The following IGF2 variants were observed in gnomAD, a reference collection of about 807,000 sequenced individuals.
IGF2 encodes the protein insulin like growth factor 2, also known as insulin-like growth factor 2.
A neutral mutation model predicts 12.0 loss-of-function variants in IGF2; 2 were observed. That is an observed-to-expected ratio of 0.17 (90% CI 0.07 to 0.52). The LOEUF is 0.52. Ranked by LOEUF, IGF2 falls within the 20% of genes least tolerant of loss-of-function variation. The pLI, the probability that IGF2 is intolerant of heterozygous loss-of-function variation, is 0.95. For synonymous variants in IGF2, 105 were observed against 110.1 expected (o/e 0.95, Z 0.29); for missense variants, 211 against 268.0 (o/e 0.79, Z 1.48).
the IGF2 span, chr11:2,146,416 G>A: frequency 9.7e-5 from 52 of 533,812 alleles, no homozygotes; most frequent in African/African-American, 3.3e-4. Context: ...GGACACACTC[G>A]CTGGCGTCAG....
chr11:2,140,375 CG>C, upstream of IGF2: 1 of 1,358,852 alleles, frequency 7.4e-7, no homozygotes. Flanking sequence ...TCCCGCACCC[CG>C]CCAGCCCCCC....
chr11:2,144,211 T>C (rs1039217611), upstream of IGF2, among the ~76,000 whole-genome samples: 13 of 152,120 alleles, frequency 8.5e-5, no homozygotes, highest in Non-Finnish European at 1.5e-5. Context: ...GGACGCTGCT[T>C]CCCGGGCGCT....
In IGF2 at chr11:2,138,240, C is replaced by G. The variant is rs1859237857; in HGVS notation, c.-18G>C. 2.0e-6 allele frequency: 2 copies of G among 985,154 alleles called. No individual in the cohort carries two copies. Among genetic ancestry groups the G allele is most frequent in the Non-Finnish European group, 2.4e-6 (2 of 829,770 alleles). The allele number at this position is 985,154 out of a possible 1,614,324, so 61.0% of individuals were successfully genotyped here. A position where few individuals can be genotyped will look rare whatever the true frequency, so the allele number is the denominator to read the frequency against. On this transcript the variant is annotated 5_prime_UTR_variant, in exon 1 of 4. Coordinates refer to ENST00000416167, the MANE Select transcript of IGF2 (RefSeq NM_000612.6). The stretch of plus-strand genomic sequence containing the variant: ...CACACGCCGCTTACCTGGAAGCCGG[C>G]GACGCTGCCGCCCACCTCCCTGCTG...
At chr11:2,135,924 G>T (rs1399070410) in intron 1 of IGF2, among the ~76,000 whole-genome samples, 2 of 152,124 alleles carry the variant, frequency 1.3e-5, no homozygotes, top group Non-Finnish European at 2.9e-5. Flanking sequence ...CCAGCCCAGC[G>T]TCACATCGCC....
Position 2,133,722 on chromosome 11 carries a change from C to G in IGF2, c.158-57G>C. On this transcript the variant is annotated intron_variant, in intron 2 of 3. Coordinates refer to ENST00000416167, the MANE Select transcript of IGF2 (RefSeq NM_000612.6). This position sits in a 1 kb window ranked among gnomAD's most constrained non-coding sequence, Gnocchi z 8.9. ...TTAGCACCGCACTGACCCCAGCCCC[C>G]GGAGGCTGAAGGGGGAGCAAACCAC... The G allele has an allele frequency of 6.3e-7, 1 of 1,595,388 alleles. No individual in the cohort carries two copies. Among genetic ancestry groups the G allele is most frequent in the African/African-American group, 1.3e-5 (1 of 74,336 alleles).
chr11:2,146,088 G>A (rs1028448550), upstream of IGF2, among the ~76,000 whole-genome samples: 6 of 152,106 alleles, frequency 3.9e-5, no homozygotes, highest in African/African-American at 1.4e-4. Flanking sequence ...CCTCTCCACT[G>A]GCAAACCCAC....
At chr11:2,139,743 G>T (rs1437916903), upstream of IGF2, among the ~76,000 whole-genome samples, 1 of 151,856 alleles carries the variant, frequency 6.6e-6, no homozygotes, top group African/African-American at 2.4e-5. Context: ...TCGTGAGCTG[G>T]GGTCTCCGGG....
chr11:2,139,053 AGGGGGAGCGCGGGG>A lies in IGF2; in HGVS notation c.-845_-832del. The A allele has an allele frequency of 3.7e-5, 2 of 53,918 alleles. No homozygotes were observed. The highest frequency in any genetic ancestry group is 4.3e-5 in the Non-Finnish European group (2 of 46,440). The allele number at this position is 53,918 out of a possible 1,614,324, so 3.3% of individuals were successfully genotyped here. A position where few individuals can be genotyped will look rare whatever the true frequency, so the allele number is the denominator to read the frequency against. ...GGCTGCGCGCCGGGGGGAGGGCTGGAGGGGGAGCGCGGGGGGGGGTGACAACGCCGGCGGCCTGC... is the reference window on the plus strand; with the variant it reads ...GGCTGCGCGCCGGGGGGAGGGCTGGAGGGGGTGACAACGCCGGCGGCCTGC... On this transcript the variant is annotated 5_prime_UTR_variant, in exon 1 of 4. Coordinates refer to ENST00000416167, the MANE Select transcript of IGF2 (RefSeq NM_000612.6).
upstream of IGF2, among the ~76,000 whole-genome samples, chr11:2,146,066 C>T (rs994284349): frequency 2.6e-5 from 4 of 152,136 alleles, no homozygotes; most frequent in Admixed American, 2.0e-4. Flanking sequence ...CTCACCAGGG[C>T]AACGCTGGTC....
At position 2,132,735 on chromosome 11, in the gene IGF2, G is replaced by C. The variant is rs1858697230; in HGVS notation, c.*252C>G. 1.5e-5 allele frequency: 6 copies of C among 411,300 alleles called. No individual in the cohort carries two copies. The East Asian group carries it at 2.1e-4, about 15-fold the overall frequency. 25.5% of individuals were successfully genotyped at this position (411,300 alleles called of 1,614,324 possible). On this transcript the variant is annotated 3_prime_UTR_variant, in exon 4 of 4. Transcript: ENST00000416167. ...TAATTGGGGATAATTTGGGGGGAGG[G>C]TATGTGAAGGGTGTTTAAAGCCAAT... is the stretch of plus-strand genomic sequence containing the variant.
chr11:2,138,855 G>T lies in IGF2; in HGVS notation c.-633C>A. On this transcript the variant is annotated 5_prime_UTR_variant, in exon 1 of 4. Coordinates refer to ENST00000416167, the MANE Select transcript of IGF2 (RefSeq NM_000612.6). ...GGAAGGGCGCCACGTCGAGGGGCCGGGGGAGGCGGTGACTGGGGGGCGGAG... is the reference window on the plus strand; with the variant it reads ...GGAAGGGCGCCACGTCGAGGGGCCGTGGGAGGCGGTGACTGGGGGGCGGAG... The T allele has an allele frequency of 2.1e-6, 2 of 971,934 alleles. No individual in the cohort carries two copies. The highest frequency in any genetic ancestry group is 1.2e-6 in the Non-Finnish European group (1 of 818,106). 60.2% of individuals were successfully genotyped at this position (971,934 alleles called of 1,614,324 possible). A position where few individuals can be genotyped will look rare whatever the true frequency, so the allele number is the denominator to read the frequency against.
At position 2,138,941 on chromosome 11, in the gene IGF2, G is replaced by T; in HGVS notation, c.-719C>A. Reference sequence around the variant, plus strand: ...GTTTGGGCCGACGGAGCCCTCTGCCGTCGCGAGCCCGGGCCTCGGGAGGGG... The same window carrying T: ...GTTTGGGCCGACGGAGCCCTCTGCCTTCGCGAGCCCGGGCCTCGGGAGGGG... On this transcript the variant is annotated 5_prime_UTR_variant, in exon 1 of 4. Coordinates refer to ENST00000416167, the MANE Select transcript of IGF2 (RefSeq NM_000612.6). 2 of 983,926 alleles carry T rather than the reference G, an allele frequency of 2.0e-6. No individual in the cohort carries two copies. Among genetic ancestry groups the T allele is most frequent in the Non-Finnish European group, 2.4e-6 (2 of 828,856 alleles). The allele number at this position is 983,926 out of a possible 1,614,324, so 60.9% of individuals were successfully genotyped here.
chr11:2,144,214 C>T (rs1460432838), upstream of IGF2, among the ~76,000 whole-genome samples: 4 of 152,204 alleles, frequency 2.6e-5, no homozygotes, highest in African/African-American at 4.8e-5. Context: ...CGCTGCTTCC[C>T]GGGCGCTCCC....
upstream of IGF2, chr11:2,146,229 C>T (rs745306614): frequency 1.9e-6 from 1 of 529,596 alleles, no homozygotes; most frequent in Non-Finnish European, 3.8e-6. Flanking sequence ...CTTTCTCATT[C>T]CCATTTCCTC....
At position 2,138,789 on chromosome 11, in the gene IGF2, C is replaced by T. The variant is rs1859303848; in HGVS notation, c.-567G>A. On this transcript the variant is annotated 5_prime_UTR_variant, in exon 1 of 4. Coordinates refer to ENST00000416167, the MANE Select transcript of IGF2 (RefSeq NM_000612.6). ...GCGGGAGAAAGAGCGGGGGCCGGGG[C>T]CAGACGCCAAGAGGGGCGCGGGGAG... 1.1e-6 allele frequency: 1 copy of T among 950,872 alleles called. No individual in the cohort carries two copies. The highest frequency in any genetic ancestry group is 1.8e-5 in the African/African-American group (1 of 55,172). The allele number at this position is 950,872 out of a possible 1,614,324, so 58.9% of individuals were successfully genotyped here. A position where few individuals can be genotyped will look rare whatever the true frequency, so the allele number is the denominator to read the frequency against.
At chr11:2,140,677 G>T (rs754960065), upstream of IGF2, 1 of 473,626 alleles carries the variant, frequency 2.1e-6, no homozygotes. Flanking sequence ...ATTTCGGGGC[G>T]CCCAGCAGGA....
rs1435073598 is a variant in IGF2, at chr11:2,135,368, G to A, written c.156C>T (p.Phe52=). 2 of 1,609,760 alleles carry A rather than the reference G, an allele frequency of 1.2e-6. No individual in the cohort carries two copies. Among genetic ancestry groups the A allele is most frequent in the East Asian group, 2.2e-5 (1 of 44,744 alleles). Residue 52 remains phenylalanine, a splice_region_variant and synonymous_variant, in exon 2 of 4, where the codon TTC becomes TTT. Transcript: ENST00000416167. Reference sequence around the variant, plus strand: ...AGGAAGCCCCTCCCAGCTACTTACTGAAGTAGAAGCCGCGGTCCCCACAGA... The same window carrying A: ...AGGAAGCCCCTCCCAGCTACTTACTAAAGTAGAAGCCGCGGTCCCCACAGA... ...QFVCGDRGFY[F]SRPASRVSRR...
chr11:2,144,217 G>T (rs1380666020), upstream of IGF2, among the ~76,000 whole-genome samples: 1 of 152,202 alleles, frequency 6.6e-6, no homozygotes, highest in African/African-American at 2.4e-5. Flanking sequence ...TGCTTCCCGG[G>T]CGCTCCCGGG....
In IGF2 at chr11:2,138,613, A is replaced by G; in HGVS notation, c.-391T>C. Reference sequence around the variant, plus strand: ...GGAGAGAGGACAGCGAGAGGCGGGCAGGCGCACAGCGGGAGAGAACAGCAC... The same window carrying G: ...GGAGAGAGGACAGCGAGAGGCGGGCGGGCGCACAGCGGGAGAGAACAGCAC... On this transcript the variant is annotated 5_prime_UTR_variant, in exon 1 of 4. Coordinates refer to ENST00000416167, the MANE Select transcript of IGF2 (RefSeq NM_000612.6). 1.0e-6 allele frequency: 1 copy of G among 978,624 alleles called. No homozygotes were observed. Among genetic ancestry groups the G allele is most frequent in the Non-Finnish European group, 1.2e-6 (1 of 825,972 alleles). The allele number at this position is 978,624 out of a possible 1,614,324, so 60.6% of individuals were successfully genotyped here.
Sources: allele counts gnomAD v4.1 joint callset (sites outside exome capture counted in the v4.1 genomes callset), GRCh38; gene constraint gnomAD v4.1.1; non-coding constraint Gnocchi (gnomAD v3.1); transcripts MANE v1.5; gene names NCBI Gene and HGNC (gene_info 2026-07-23, HGNC 2026-07-21).